The following SMOC2 variants were observed in gnomAD, a reference collection of about 807,000 sequenced individuals.
The protein encoded by SMOC2 is SPARC related modular calcium binding 2, also known as SPARC-related modular calcium-binding protein 2.
In SMOC2, 39 loss-of-function variants were observed where a neutral mutation model predicts 61.4. The observed-to-expected ratio is 0.64, with a 90% confidence interval of 0.49 to 0.83. The LOEUF (loss-of-function observed/expected upper bound fraction) is 0.83. SMOC2 is among the 40% of genes least tolerant of loss of function. The pLI is 0.00. For synonymous variants in SMOC2, 247 were observed against 239.9 expected (o/e 1.03, Z -0.27); for missense variants, 556 against 592.9 (o/e 0.94, Z 0.65).
intron 11 of SMOC2, among the ~76,000 whole-genome samples, chr6:168,657,192 G>T (rs1787345375): frequency 6.6e-6 from 1 of 152,224 alleles, no homozygotes; most frequent in African/African-American, 2.4e-5. Context: ...CTACTTCATG[G>T]CTCAAGACCT....
In SMOC2 at chr6:168,629,038, G is replaced by A. The variant is rs542905041; in HGVS notation, c.907+20799G>A. Among the ~76,000 whole-genome samples, 5 of 152,350 alleles carry A rather than the reference G, an allele frequency of 3.3e-5. No homozygotes were observed. The South Asian group carries it at 8.3e-4, about 25-fold the overall frequency. ...GAGGGGGACTCACGGCCTCTTTTCA[G>A]CTCTCTCTTCTCTGGGGAAAACTTG... On this transcript the variant is annotated intron_variant, in intron 9 of 12. Coordinates refer to ENST00000356284, the MANE Select transcript of SMOC2 (RefSeq NM_001166412.2).
chr6:168,442,531 A>G lies in SMOC2; in HGVS notation c.84+1077A>G, dbSNP rs184610616. Among the ~76,000 whole-genome samples the G allele has an allele frequency of 9.1e-4, 139 of 152,402 alleles. 1 individual carries two copies. The highest frequency in any genetic ancestry group is 7.3e-3 in the Admixed American group (112 of 15,310). The stretch of plus-strand genomic sequence containing the variant: ...ACATTCCACTTAAATGTGTTTTTGA[A>G]CAAGTGTTTGAGAAAACACGAAGGT... On this transcript the variant is annotated intron_variant, in intron 1 of 12. Coordinates refer to ENST00000356284, the MANE Select transcript of SMOC2 (RefSeq NM_001166412.2).
chr6:168,625,213 A>G (rs1241526784), intron 9 of SMOC2, among the ~76,000 whole-genome samples: 4 of 152,164 alleles, frequency 2.6e-5, no homozygotes, highest in Non-Finnish European at 5.9e-5. Context: ...CACCGTGAAG[A>G]CCCGCATCTG....
At chr6:168,599,534 A>C (rs62636133) in intron 8 of SMOC2, among the ~76,000 whole-genome samples, 445 of 9,310 alleles carry the variant, frequency 0.048, 19 homozygotes, top group Middle Eastern at 0.25. Flanking sequence ...ACCCCCACAC[A>C]CCCACTCACA....
chr6:168,545,323 C>T (rs531827441), intron 5 of SMOC2, among the ~76,000 whole-genome samples: 27 of 152,184 alleles, frequency 1.8e-4, no homozygotes, highest in African/African-American at 6.5e-4. Context: ...AGAACACACC[C>T]CCCACTTTAG....
chr6:168,638,189 A>C (rs2115257254), intron 9 of SMOC2, among the ~76,000 whole-genome samples: 1 of 152,224 alleles, frequency 6.6e-6, no homozygotes, highest in South Asian at 2.1e-4. Context: ...ATTGGGCCAC[A>C]GACTTTAGTC....
chr6:168,537,061 G>A (rs942509490), intron 4 of SMOC2, among the ~76,000 whole-genome samples: 5 of 152,260 alleles, frequency 3.3e-5, no homozygotes, highest in Non-Finnish European at 5.9e-5. Flanking sequence ...CCCTCGGCCG[G>A]CCAGTGCCGG....
chr6:168,576,941 G>A (rs149250393), intron 7 of SMOC2, among the ~76,000 whole-genome samples: 1,797 of 151,802 alleles, frequency 0.012, 16 homozygotes, highest in Non-Finnish European at 0.016. Context: ...TTTATACCTG[G>A]AGAAAGAAGG....
chr6:168,500,162 G>A (rs796676987), intron 1 of SMOC2, among the ~76,000 whole-genome samples: 3 of 151,958 alleles, frequency 2.0e-5, no homozygotes, highest in African/African-American at 7.2e-5. Context: ...GGTGGCCCCT[G>A]TGGTCCCACA....
At position 168,599,003 on chromosome 6, in the gene SMOC2, A is replaced by C; in HGVS notation, c.823A>C (p.Arg275=). 6.3e-7 allele frequency: 1 copy of C among 1,594,886 alleles called. No homozygotes were observed. The highest frequency in any genetic ancestry group is 8.5e-7 in the Non-Finnish European group (1 of 1,170,410). ...TGRPIPGTST[R]YEQPKCDNTA... ...GCGCCCCATTCCCGGCACATCCACA[A>C]GGTAAATAGGGTGCACCCACCCCCC... Residue 275 remains arginine, a splice_region_variant and synonymous_variant, in exon 8 of 13, where the codon AGG becomes CGG. Coordinates refer to ENST00000356284, the MANE Select transcript of SMOC2 (RefSeq NM_001166412.2).
chr6:168,506,590 G>C (rs1413154992), intron 1 of SMOC2, among the ~76,000 whole-genome samples: 1 of 152,176 alleles, frequency 6.6e-6, no homozygotes, highest in Non-Finnish European at 1.5e-5. Flanking sequence ...CATTGAGTCT[G>C]TCTGACTGGT....
intron 1 of SMOC2, among the ~76,000 whole-genome samples, chr6:168,483,575 A>T (rs1009482334): frequency 3.3e-5 from 5 of 152,106 alleles, no homozygotes; most frequent in South Asian, 2.1e-4. Flanking sequence ...TTCCAAAAAC[A>T]TTTTTTTGTA....
chr6:168,536,805 T>C (rs16887103), intron 4 of SMOC2, among the ~76,000 whole-genome samples: 16,760 of 152,194 alleles, frequency 0.11, 1,008 homozygotes, highest in Middle Eastern at 0.18. Context: ...AAGTCCTGCT[T>C]GGCCCCAACC....
rs114748348 is a variant in SMOC2, at chr6:168,625,936, G to A, written c.907+17697G>A. ...CCGTGGTTACGTGTTTGATCGCCTG[G>A]CAGGAGCCTTGTTGGACCCAGGAGT... is the stretch of plus-strand genomic sequence containing the variant. On this transcript the variant is annotated intron_variant, in intron 9 of 12. Coordinates refer to ENST00000356284, the MANE Select transcript of SMOC2 (RefSeq NM_001166412.2). Among the ~76,000 whole-genome samples, 909 of 152,346 alleles carry A rather than the reference G, an allele frequency of 6.0e-3. 13 individuals carry two copies. Among genetic ancestry groups the A allele is most frequent in the African/African-American group, 0.02 (835 of 41,580 alleles).
At chr6:168,506,158 T>G (rs1265235009) in intron 1 of SMOC2, among the ~76,000 whole-genome samples, 1 of 151,974 alleles carries the variant, frequency 6.6e-6, no homozygotes, top group Non-Finnish European at 1.5e-5. Context: ...CAGGTGCACA[T>G]TTATTGTGCA....
chr6:168,488,013 A>G (rs1331567728), intron 1 of SMOC2, among the ~76,000 whole-genome samples: 11 of 152,198 alleles, frequency 7.2e-5, no homozygotes, highest in Admixed American at 6.5e-4. Context: ...GGAGTATTTT[A>G]CTGCTTTTCT....
At chr6:168,613,854 GGGGCCTCTTCACACCTACAGCCAGCACA>G (rs1280941248) in intron 9 of SMOC2, among the ~76,000 whole-genome samples, 1 of 88,742 alleles carries the variant, frequency 1.1e-5, no homozygotes. Context: ...GCCAGCACAG[GGGGCCTCTTCACACCTACAGCCAGCACA>G]GGACCTCTTC....
intron 2 of SMOC2, among the ~76,000 whole-genome samples, chr6:168,517,903 C>A (rs1317895202): frequency 6.6e-6 from 1 of 152,244 alleles, no homozygotes; most frequent in Non-Finnish European, 1.5e-5. Flanking sequence ...ACTCTCAGGG[C>A]TACAAGCTGA....
At chr6:168,634,592 A>G (rs915269230) in intron 9 of SMOC2, among the ~76,000 whole-genome samples, 6 of 152,214 alleles carry the variant, frequency 3.9e-5, no homozygotes, top group African/African-American at 1.4e-4. Flanking sequence ...GAAGTCCAGC[A>G]ATTGAGATGG....
Sources: allele counts gnomAD v4.1 joint callset (sites outside exome capture counted in the v4.1 genomes callset), GRCh38; gene constraint gnomAD v4.1.1; transcripts MANE v1.5; gene names NCBI Gene and HGNC (gene_info 2026-07-23, HGNC 2026-07-21).